Variants in PTPRN2 observed in about 807,000 individuals in gnomAD.
PTPRN2 encodes protein tyrosine phosphatase receptor type N2.
Under a neutral mutation model 118.8 loss-of-function variants are expected in PTPRN2, and 74 were observed. That is an observed-to-expected ratio of 0.62 (90% CI 0.52 to 0.76). The LOEUF (loss-of-function observed/expected upper bound fraction) is 0.76. Among genes scored for constraint, PTPRN2 ranks in the 30% least tolerant of loss-of-function variants. PTPRN2 has a pLI of 0.00. For missense variants in PTPRN2, 1,481 were observed against 1,394.4 expected (o/e 1.06, Z -0.99); for synonymous variants, 641 against 608.0 (o/e 1.05, Z -0.80).
At chr7:157,658,357 A>G (rs1795701223) in intron 13 of PTPRN2, among the ~76,000 whole-genome samples, 1 of 152,218 alleles carries the variant, frequency 6.6e-6, no homozygotes, top group Non-Finnish European at 1.5e-5. Flanking sequence ...CAGAAGGCAC[A>G]GGGGAGGGAG....
chr7:157,696,741 C>T (rs1262034624), intron 12 of PTPRN2, among the ~76,000 whole-genome samples: 8 of 144,124 alleles, frequency 5.6e-5, no homozygotes, highest in African/African-American at 7.8e-5. Flanking sequence ...CACCGTCTAC[C>T]CATGCATACT....
In PTPRN2 at chr7:158,093,429, T is replaced by A. The variant is rs1222800495; in HGVS notation, c.1644-12052A>T. Among the ~76,000 whole-genome samples the A allele has an allele frequency of 6.6e-6, 1 of 152,186 alleles. No individual in the cohort carries two copies. Among genetic ancestry groups the A allele is most frequent in the African/African-American group, 2.4e-5 (1 of 41,436 alleles). The stretch of plus-strand genomic sequence containing the variant: ...TCTGTCGCTGGACCGACCCCCACAC[T>A]GTTTGTGCTTTTACTCCCTGAATTG... On this transcript the variant is annotated intron_variant, in intron 10 of 22. Coordinates refer to ENST00000389418, the MANE Select transcript of PTPRN2 (RefSeq NM_002847.5). This position sits in a 1 kb window ranked among gnomAD's most constrained non-coding sequence, Gnocchi z 4.4.
At position 158,036,482 on chromosome 7, in the gene PTPRN2, C is replaced by T. The variant is rs192129014; in HGVS notation, c.1723+44816G>A. 2.5e-3 allele frequency among the ~76,000 whole-genome samples: 388 copies of T among 152,250 alleles called. 2 individuals are homozygous for T. The highest frequency in any genetic ancestry group is 8.9e-3 in the African/African-American group (369 of 41,528). On this transcript the variant is annotated intron_variant, in intron 11 of 22. Transcript: ENST00000389418. Reference sequence around the variant, plus strand: ...TTATGAGATGAGTATTACTTCGATACTAGCACTGAAAAACAGTAACACAAT... The same window carrying T: ...TTATGAGATGAGTATTACTTCGATATTAGCACTGAAAAACAGTAACACAAT...
At chr7:157,859,744 CG>C (rs1320747232) in intron 12 of PTPRN2, among the ~76,000 whole-genome samples, 4 of 91,416 alleles carry the variant, frequency 4.4e-5, no homozygotes, top group African/African-American at 5.3e-5. Context: ...GGGAGAGCCC[CG>C]GCCACCACCC....
intron 11 of PTPRN2, among the ~76,000 whole-genome samples, chr7:157,913,059 G>T (rs1218995752): frequency 6.6e-6 from 1 of 152,124 alleles, no homozygotes; most frequent in African/African-American, 2.4e-5. Context: ...CCCAATCTGT[G>T]AACATGTAAA....
At chr7:157,602,107 C>T (rs773476846) in intron 16 of PTPRN2, among the ~76,000 whole-genome samples, 3 of 152,232 alleles carry the variant, frequency 2.0e-5, no homozygotes, top group Non-Finnish European at 4.4e-5. Context: ...GAAACCCACA[C>T]GGAACCAAGC....
chr7:158,476,475 C>T (rs1420709819), intron 2 of PTPRN2, among the ~76,000 whole-genome samples: 2 of 152,260 alleles, frequency 1.3e-5, no homozygotes, highest in Non-Finnish European at 2.9e-5. Flanking sequence ...GACTGTAAGT[C>T]ACCAACAACT....
At chr7:158,036,340 C>G (rs928560695) in intron 11 of PTPRN2, among the ~76,000 whole-genome samples, 5 of 152,078 alleles carry the variant, frequency 3.3e-5, no homozygotes, top group Non-Finnish European at 7.4e-5. Flanking sequence ...ATTCAAAAAC[C>G]AACTCTCATA....
At chr7:158,418,281 G>C (rs183390722) in intron 2 of PTPRN2, among the ~76,000 whole-genome samples, 148 of 126,792 alleles carry the variant, frequency 1.2e-3, no homozygotes, top group African/African-American at 4.2e-3. Context: ...TCGAGATGCT[G>C]TAGCTCTCCG....
At position 157,726,164 on chromosome 7, in the gene PTPRN2, G is replaced by A. The variant is rs959465025; in HGVS notation, c.1789-43227C>T. Among the ~76,000 whole-genome samples the A allele has an allele frequency of 2.9e-5, 3 of 102,636 alleles. 1 individual carries two copies. The highest frequency in any genetic ancestry group is 6.1e-5 in the Non-Finnish European group (3 of 49,098). The allele number at this position is 102,636 out of a possible 152,430, so 67.3% of individuals were successfully genotyped here. On this transcript the variant is annotated intron_variant, in intron 12 of 22. Transcript: ENST00000389418. ...AGACTCTCGCCTCCCAGGAAAACTGGATATCCACATGCAGAGGAATGAGCC... is the reference window on the plus strand; with the variant it reads ...AGACTCTCGCCTCCCAGGAAAACTGAATATCCACATGCAGAGGAATGAGCC...
At chr7:157,756,630 G>A (rs1801796761) in intron 12 of PTPRN2, among the ~76,000 whole-genome samples, 1 of 152,164 alleles carries the variant, frequency 6.6e-6, no homozygotes, top group Non-Finnish European at 1.5e-5. Flanking sequence ...ATCTGCGCCT[G>A]CGCTGCTCTC....
In PTPRN2 at chr7:157,691,079, C is replaced by G. The variant is rs1054673013; in HGVS notation, c.1789-8142G>C. 1.1e-4 allele frequency among the ~76,000 whole-genome samples: 14 copies of G among 124,776 alleles called. 1 individual carries two copies. Among genetic ancestry groups the G allele is most frequent in the Admixed American group, 6.8e-4 (9 of 13,258 alleles). The allele number at this position is 124,776 out of a possible 152,430, so 81.9% of individuals were successfully genotyped here. A position where few individuals can be genotyped will look rare whatever the true frequency, so the allele number is the denominator to read the frequency against. ...TGCTATAGCGATGTCCCCCCCCCCC[C>G]CCACATGTTGCTGACAGCAATTGGC... On this transcript the variant is annotated intron_variant, in intron 12 of 22. Coordinates refer to ENST00000389418, the MANE Select transcript of PTPRN2 (RefSeq NM_002847.5).
chr7:157,777,919 G>A (rs1803429952), intron 12 of PTPRN2, among the ~76,000 whole-genome samples: 1 of 149,948 alleles, frequency 6.7e-6, no homozygotes, highest in South Asian at 2.1e-4. Context: ...CCATAATATT[G>A]ATGCATAATT....
At chr7:157,723,138 C>T (rs1453749180) in intron 12 of PTPRN2, among the ~76,000 whole-genome samples, 1 of 152,254 alleles carries the variant, frequency 6.6e-6, no homozygotes, top group African/African-American at 2.4e-5. Context: ...GGAACTCACA[C>T]AGTCAAGCTG....
intron 12 of PTPRN2, among the ~76,000 whole-genome samples, chr7:157,768,043 T>C (rs1802587495): frequency 6.6e-6 from 1 of 152,152 alleles, no homozygotes; most frequent in Non-Finnish European, 1.5e-5. Flanking sequence ...CACTCTGCAG[T>C]GTGGCGACTA....
chr7:158,020,017 T>TA (rs1806755210), intron 11 of PTPRN2, among the ~76,000 whole-genome samples: 1 of 152,192 alleles, frequency 6.6e-6, no homozygotes, highest in Non-Finnish European at 1.5e-5. Flanking sequence ...AGGACCCAGA[T>TA]TCAATGCCCA....
chr7:158,580,455 C>A (rs572766883), intron 1 of PTPRN2, among the ~76,000 whole-genome samples: 5 of 152,314 alleles, frequency 3.3e-5, no homozygotes, highest in African/African-American at 1.2e-4. Flanking sequence ...GTGCTGTATA[C>A]AGAACACTGC....
chr7:158,340,997 A>G (rs1806644566), intron 2 of PTPRN2, among the ~76,000 whole-genome samples: 1 of 70,700 alleles, frequency 1.4e-5, no homozygotes, highest in African/African-American at 5.0e-5. Flanking sequence ...TCTCACCATA[A>G]GAGGTGAAAC....
intron 9 of PTPRN2, among the ~76,000 whole-genome samples, chr7:158,122,936 A>T (rs886098999): frequency 5.3e-5 from 8 of 152,094 alleles, no homozygotes; most frequent in Non-Finnish European, 1.0e-4. Flanking sequence ...CTTGTGGGCC[A>T]GATGAAATCA....
Sources: gnomAD v4.1 joint callset for allele counts (sites outside exome capture counted in the v4.1 genomes callset) on GRCh38, gnomAD v4.1.1 for gene constraint, Gnocchi (gnomAD v3.1) non-coding constraint, MANE v1.5 for transcripts, NCBI Gene and HGNC (gene_info 2026-07-23, HGNC 2026-07-21) for gene names.